The following NUP93 variants were observed in gnomAD, a reference collection of about 807,000 sequenced individuals.
The protein encoded by NUP93 is nucleoporin 93.
NUP93 carries 55 observed loss-of-function variants against 107.8 expected under a neutral mutation model. The observed-to-expected ratio is 0.51, with a 90% CI of 0.41 to 0.64. The LOEUF (loss-of-function observed/expected upper bound fraction) is 0.64. Among genes scored for constraint, NUP93 ranks in the 30% least tolerant of loss-of-function variants. NUP93 has a pLI of 0.00. For missense variants in NUP93, 937 were observed against 1,044.7 expected, an observed-to-expected ratio of 0.90 and a Z score of 1.42; for synonymous variants, 390 against 397.5, an observed-to-expected ratio of 0.98 and a Z score of 0.22.
chr16:56,794,042 G>A (rs1295145843), intron 3 of NUP93, among the ~76,000 whole-genome samples: 2 of 151,550 alleles, frequency 1.3e-5, no homozygotes, highest in African/African-American at 4.9e-5. Context: ...GTGGCAGAGC[G>A]AGACTCCATC....
At chr16:56,815,896 CTGGTGCTGCTGCTGCTGCTGG>C (rs2096271937) in intron 5 of NUP93, among the ~76,000 whole-genome samples, 3 of 86,186 alleles carry the variant, frequency 3.5e-5, no homozygotes, top group South Asian at 3.4e-4. Context: ...GCTGCTGCTG[CTGGTGCTGCTGCTGCTGCTGG>C]TGCTGCTGCT....
At position 56,844,420 on chromosome 16, in the gene NUP93, T is replaced by C. The variant is rs547063826; in HGVS notation, c.2350-79T>C. 74 of 793,794 alleles carry C rather than the reference T, an allele frequency of 9.3e-5. No individual in the cohort carries two copies. The African/African-American group carries it at 1.2e-3, about 13-fold the overall frequency. 49.2% of individuals were successfully genotyped at this position (793,794 alleles called of 1,614,324 possible). On this transcript the variant is annotated intron_variant, in intron 21 of 21. Coordinates refer to ENST00000308159, the MANE Select transcript of NUP93 (RefSeq NM_014669.5). ...GGGTAGAGGATGGAAGAACATGGAATAGAGGATGGAAGAATATGGAATAGT... is the reference window on the plus strand; with the variant it reads ...GGGTAGAGGATGGAAGAACATGGAACAGAGGATGGAAGAATATGGAATAGT...
intron 17 of NUP93, 65 bp downstream of exon 17, chr16:56,836,782 G>T: frequency 2.0e-6 from 2 of 1,016,164 alleles, no homozygotes; most frequent in Admixed American, 3.6e-5. Context: ...CATTAAATGT[G>T]CAGCCACTTG....
chr16:56,841,999 A>G (rs1377021432), intron 21 of NUP93, among the ~76,000 whole-genome samples, 166 bp downstream of exon 21: 28 of 152,128 alleles, frequency 1.8e-4, no homozygotes, highest in Admixed American at 1.1e-3. Context: ...TCAAATATTA[A>G]AGGGATTGCT....
intron 3 of NUP93, among the ~76,000 whole-genome samples, chr16:56,794,070 ATAGG>A (rs59624915): frequency 0.39 from 58,050 of 147,974 alleles, 11,728 homozygotes; most frequent in African/African-American, 0.46. Context: ...AGATAGATAG[ATAGG>A]TAGGTAGGTA....
chr16:56,745,437 T>A (rs758027711), intron 1 of NUP93, among the ~76,000 whole-genome samples: 4 of 152,068 alleles, frequency 2.6e-5, no homozygotes, highest in Non-Finnish European at 5.9e-5. Context: ...TGTAAAAGGA[T>A]CACTGGTTGC....
At chr16:56,796,030 TG>T (rs1426329738) in intron 3 of NUP93, among the ~76,000 whole-genome samples, 2 of 152,156 alleles carry the variant, frequency 1.3e-5, no homozygotes, top group Non-Finnish European at 2.9e-5. Flanking sequence ...GTTTTTGGGG[TG>T]TGACAGCACC....
Position 56,748,390 on chromosome 16 carries a change from T to A in NUP93, c.143T>A (p.Leu48Gln). Residue 48 changes from leucine (L) to glutamine (Q), a missense_variant, in exon 2 of 22, where the codon CTA becomes CAA. By Grantham distance (113) the Leu-to-Gln change is moderately radical. Coordinates refer to ENST00000308159, the MANE Select transcript of NUP93 (RefSeq NM_014669.5). ...GGAGAGCGCCTGCGTTCCCGTACCC[T>A]AACACGCACGTCCCAGGAGACGGCA... ...QAGERLRSRT[L>Q]TRTSQETADV... 1.9e-6 allele frequency: 3 copies of A among 1,613,874 alleles called. No individual in the cohort carries two copies. Among genetic ancestry groups the A allele is most frequent in the Non-Finnish European group, 2.5e-6 (3 of 1,179,938 alleles).
At chr16:56,793,614 G>T (rs1432234717) in intron 3 of NUP93, among the ~76,000 whole-genome samples, 2 of 152,080 alleles carry the variant, frequency 1.3e-5, no homozygotes, top group African/African-American at 4.8e-5. Flanking sequence ...GGAAACACAT[G>T]GGTAGGAAAG....
intron 4 of NUP93, among the ~76,000 whole-genome samples, chr16:56,799,823 C>A (rs1449589005): frequency 1.3e-5 from 2 of 152,140 alleles, no homozygotes; most frequent in African/African-American, 4.8e-5. Flanking sequence ...GGGAGACTTG[C>A]CAGCTCCATT....
At chr16:56,815,202 A>G (rs77780456) in intron 5 of NUP93, among the ~76,000 whole-genome samples, 5,395 of 152,258 alleles carry the variant, frequency 0.035, 124 homozygotes, top group East Asian at 0.075. Flanking sequence ...TGTCCTTGCA[A>G]AAATGCTTTA....
At chr16:56,830,967 T>C (rs553329448) in intron 10 of NUP93, among the ~76,000 whole-genome samples, 6 of 152,318 alleles carry the variant, frequency 3.9e-5, no homozygotes, top group African/African-American at 1.4e-4. Flanking sequence ...ATTTGACTTA[T>C]TCTGTAAATC....
intron 1 of NUP93, among the ~76,000 whole-genome samples, chr16:56,730,653 G>A (rs557541880): frequency 5.3e-5 from 8 of 152,336 alleles, no homozygotes; most frequent in Non-Finnish European, 1.0e-4. Flanking sequence ...CTCTGCGAGG[G>A]AAGGGGTCTT....
intron 2 of NUP93, among the ~76,000 whole-genome samples, chr16:56,756,190 A>G (rs1175115016): frequency 1.3e-5 from 2 of 151,272 alleles, no homozygotes; most frequent in Non-Finnish European, 2.9e-5. Context: ...GGTTTGTTAC[A>G]TAGATATACA....
chr16:56,761,068 G>T (rs1962118037), intron 3 of NUP93, among the ~76,000 whole-genome samples: 1 of 152,174 alleles, frequency 6.6e-6, no homozygotes, highest in African/African-American at 2.4e-5. Flanking sequence ...TGATTAATTA[G>T]GAATTGATCA....
rs1567417333 is a variant in NUP93, at chr16:56,845,687, A to T, written c.*1078A>T. The T allele has an allele frequency of 6.6e-6, 1 of 152,138 alleles. No homozygotes were observed. Among genetic ancestry groups the T allele is most frequent in the Admixed American group, 6.5e-5 (1 of 15,278 alleles). 9.4% of individuals were successfully genotyped at this position (152,138 alleles called of 1,614,324 possible). ...GGCAGTGGTCTGCTCTGCTGGTTTG[A>T]TGGACGGCTCCCTGAGGTAGACTCT... On this transcript the variant is annotated 3_prime_UTR_variant, in exon 22 of 22. Transcript: ENST00000308159.
chr16:56,733,337 G>C (rs1439584223), intron 1 of NUP93, among the ~76,000 whole-genome samples: 1 of 152,162 alleles, frequency 6.6e-6, no homozygotes, highest in Non-Finnish European at 1.5e-5. Context: ...CCATGGGGAG[G>C]TTGATTGGAG....
chr16:56,825,324 G>T (rs1243468790), intron 8 of NUP93, among the ~76,000 whole-genome samples: 1 of 146,858 alleles, frequency 6.8e-6, no homozygotes, highest in African/African-American at 2.5e-5. Flanking sequence ...CGATTCTCCT[G>T]CCTCAGCCTC....
At position 56,805,505 on chromosome 16, in the gene NUP93, C is replaced by T; in HGVS notation, c.362C>T (p.Thr121Ile). 1.2e-6 allele frequency: 2 copies of T among 1,613,760 alleles called. No homozygotes were observed. Among genetic ancestry groups the T allele is most frequent in the Non-Finnish European group, 1.7e-6 (2 of 1,179,822 alleles). ...TTGTTCTCTGTTCCTTTCTGGCAGACCTTCGGCATGGCTGAGGAGTACCAT... is the reference window on the plus strand; with the variant it reads ...TTGTTCTCTGTTCCTTTCTGGCAGATCTTCGGCATGGCTGAGGAGTACCAT... The part of the protein sequence containing the change: ...LSAIEESRKR[T>I]FGMAEEYHRE... Residue 121 changes from threonine (T) to isoleucine (I), a missense_variant and splice_region_variant, in exon 5 of 22, where the codon ACC becomes ATC. Coordinates refer to ENST00000308159, the MANE Select transcript of NUP93 (RefSeq NM_014669.5).
Sources: gnomAD v4.1 joint callset for allele counts (sites outside exome capture counted in the v4.1 genomes callset) on GRCh38, gnomAD v4.1.1 for gene constraint, MANE v1.5 for transcripts, NCBI Gene and HGNC (gene_info 2026-07-23, HGNC 2026-07-21) for gene names.